Variants in CCNJL observed in about 807,000 individuals in gnomAD.
CCNJL encodes the protein cyclin J like.
A neutral mutation model predicts 33.4 loss-of-function variants in CCNJL; 33 were observed. The observed-to-expected ratio is 0.99, with a 90% CI of 0.75 to 1.32. CCNJL has a LOEUF of 1.32. Ranked by LOEUF, CCNJL falls within the 40% of genes most tolerant of loss-of-function variation. The pLI is 0.00. For synonymous variants in CCNJL, 227 were observed against 220.9 expected (o/e 1.03, Z -0.24); for missense variants, 512 against 499.7 (o/e 1.02, Z -0.23).
chr5:160,298,806 G>A (rs953360178), intron 2 of CCNJL, among the ~76,000 whole-genome samples: 1 of 152,096 alleles, frequency 6.6e-6, no homozygotes, highest in Non-Finnish European at 1.5e-5. Flanking sequence ...ATGAATTCAA[G>A]TTAAATGACA....
chr5:160,266,311 C>T lies in CCNJL; in HGVS notation c.281-6540G>A, dbSNP rs115345071. Among the ~76,000 whole-genome samples the T allele has an allele frequency of 2.5e-3, 381 of 152,384 alleles. 2 individuals carry two copies. The highest frequency in any genetic ancestry group is 8.7e-3 in the African/African-American group (363 of 41,600). ...CCAGGGGTGGAAGCCCACGCAGGGC[C>T]AGGCTCAATAGAGACCTTTCTGATG... On this transcript the variant is annotated intron_variant, in intron 3 of 5. Coordinates refer to ENST00000257536, the MANE Select transcript of CCNJL (RefSeq NM_001308173.3).
chr5:160,255,745 C>T, intron 4 of CCNJL, 37 bp from the exon 5 acceptor site: 1 of 1,601,632 alleles, frequency 6.2e-7, no homozygotes, highest in South Asian at 1.1e-5. Flanking sequence ...GCATCCAAAT[C>T]CTCCCCTTGG....
At chr5:160,302,436 T>C (rs1212921873) in intron 2 of CCNJL, among the ~76,000 whole-genome samples, 1 of 152,254 alleles carries the variant, frequency 6.6e-6, no homozygotes, top group Non-Finnish European at 1.5e-5. Context: ...TATATCATTA[T>C]TGCTACAATT....
Position 160,251,287 on chromosome 5 carries a change from A to G in CCNJL, c.*2091T>C, listed in dbSNP as rs1760794480. 1 of 152,224 alleles carries G rather than the reference A, an allele frequency of 6.6e-6. No homozygotes were observed. The highest frequency in any genetic ancestry group is 2.4e-5 in the African/African-American group (1 of 41,452). The allele number at this position is 152,224 out of a possible 1,614,324, so 9.4% of individuals were successfully genotyped here. A position where few individuals can be genotyped will look rare whatever the true frequency, so the allele number is the denominator to read the frequency against. On this transcript the variant is annotated 3_prime_UTR_variant, in exon 6 of 6. Transcript: ENST00000257536. Reference sequence around the variant, plus strand: ...GCCTGCCCTACAGATTTTGAACTCTACTGCAACATCAGCTCTTACCTGAAT... The same window carrying G: ...GCCTGCCCTACAGATTTTGAACTCTGCTGCAACATCAGCTCTTACCTGAAT...
At chr5:160,324,527 C>T (rs1763511240) in intron 1 of CCNJL, among the ~76,000 whole-genome samples, 1 of 152,088 alleles carries the variant, frequency 6.6e-6, no homozygotes, top group Non-Finnish European at 1.5e-5. Context: ...GAGCTGAAAT[C>T]GTGCCATTGT....
intron 5 of CCNJL, chr5:160,254,914 A>G (rs1000983115): frequency 2.0e-5 from 3 of 152,292 alleles, no homozygotes; most frequent in Admixed American, 2.0e-4. Context: ...CTTATAATGG[A>G]AGTCCTTCAA....
chr5:160,278,822 T>G (rs746434162), intron 3 of CCNJL, among the ~76,000 whole-genome samples: 1 of 152,212 alleles, frequency 6.6e-6, no homozygotes, highest in Non-Finnish European at 1.5e-5. Context: ...ATTTCTCCTG[T>G]GCTGCTTGAA....
chr5:160,298,308 G>T (rs558931381), intron 2 of CCNJL, among the ~76,000 whole-genome samples: 1 of 152,002 alleles, frequency 6.6e-6, no homozygotes, highest in Admixed American at 6.6e-5. Flanking sequence ...TGCAGTGAGC[G>T]AGGTTGCGCC....
intron 3 of CCNJL, among the ~76,000 whole-genome samples, chr5:160,274,624 C>T (rs1449200767): frequency 6.6e-6 from 1 of 152,226 alleles, no homozygotes; most frequent in Non-Finnish European, 1.5e-5. Flanking sequence ...CCACCTCCTG[C>T]CAGACACTTC....
At chr5:160,313,803 C>T (rs115440884), upstream of CCNJL, among the ~76,000 whole-genome samples, 1,617 of 152,272 alleles carry the variant, frequency 0.011, 14 homozygotes, top group Non-Finnish European at 0.017. Context: ...GAGGAGGGGG[C>T]ACTTAACATG....
At chr5:160,277,098 T>C (rs1220580655) in intron 3 of CCNJL, among the ~76,000 whole-genome samples, 1 of 152,164 alleles carries the variant, frequency 6.6e-6, no homozygotes, top group Non-Finnish European at 1.5e-5. Flanking sequence ...TGGTTGTATT[T>C]TTCTTTACAA....
In CCNJL at chr5:160,273,027, G is replaced by A. The variant is rs996535517; in HGVS notation, c.280+7498C>T. On this transcript the variant is annotated intron_variant, in intron 3 of 5. Transcript: ENST00000257536. Reference sequence around the variant, plus strand: ...AGAGTGAAGTAAATCCACAAGCGCTGATGGAAAAAGAGGTTCCGTAACATA... The same window carrying A: ...AGAGTGAAGTAAATCCACAAGCGCTAATGGAAAAAGAGGTTCCGTAACATA... Among the ~76,000 whole-genome samples, 26 of 152,308 alleles carry A rather than the reference G, an allele frequency of 1.7e-4. 1 individual carries two copies. The South Asian group carries it at 1.9e-3, about 11-fold the overall frequency.
chr5:160,320,841 CTTTCTTTCCTTCTTTCT>C (rs1763438177), intron 1 of CCNJL, among the ~76,000 whole-genome samples: 2 of 99,792 alleles, frequency 2.0e-5, no homozygotes, highest in Non-Finnish European at 4.5e-5. Flanking sequence ...TTCTTTCTTT[CTTTCTTTCCTTCTTTCT>C]TTCTTTCTTT....
rs536534461 is a variant in CCNJL, at chr5:160,250,684, G to A, written c.*2694C>T. ...CATCAATTCTACATATACATATTTT[G>A]ACATGTAACGCTTCTGAAATCAGAA... On this transcript the variant is annotated 3_prime_UTR_variant, in exon 6 of 6. Coordinates refer to ENST00000257536, the MANE Select transcript of CCNJL (RefSeq NM_001308173.3). 1.2e-4 allele frequency: 18 copies of A among 152,266 alleles called. No individual in the cohort carries two copies. Among genetic ancestry groups the A allele is most frequent in the African/African-American group, 4.1e-4 (17 of 41,566 alleles). The allele number at this position is 152,266 out of a possible 1,614,324, so 9.4% of individuals were successfully genotyped here.
intron 3 of CCNJL, among the ~76,000 whole-genome samples, chr5:160,267,295 C>G (rs945441688): frequency 3.3e-5 from 5 of 151,994 alleles, no homozygotes; most frequent in Admixed American, 2.0e-4. Flanking sequence ...TGGCAACGAC[C>G]CTGGGAGGTT....
At chr5:160,337,003 C>CTTTTTTTT (rs35461944) in intron 1 of CCNJL, among the ~76,000 whole-genome samples, 7 of 95,062 alleles carry the variant, frequency 7.4e-5, no homozygotes, top group Non-Finnish European at 1.0e-4. Flanking sequence ...CTTTTTCTTT[C>CTTTTTTTT]TTTTTTTTTT....
intron 1 of CCNJL, among the ~76,000 whole-genome samples, chr5:160,338,547 T>C (rs1403596553): frequency 1.3e-5 from 2 of 152,204 alleles, no homozygotes; most frequent in African/African-American, 4.8e-5. Context: ...AGAACTTTTA[T>C]TCACAGAATT....
At chr5:160,266,711 C>T (rs1761608192) in intron 3 of CCNJL, among the ~76,000 whole-genome samples, 1 of 152,166 alleles carries the variant, frequency 6.6e-6, no homozygotes, top group African/African-American at 2.4e-5. Flanking sequence ...GTATTCTTTG[C>T]ACTCCAGACC....
In CCNJL at chr5:160,255,569, C is replaced by A; in HGVS notation, c.723G>T (p.Thr241=). The change falls in exon 5 of 6, where the codon ACG becomes ACT. Residue 241 remains threonine, a synonymous_variant. Coordinates refer to ENST00000257536, the MANE Select transcript of CCNJL (RefSeq NM_001308173.3). ...ISSYSLEHLS[T]CIEILLVVYD... is the part of the protein sequence containing the mutation. ...CTTACACCAGCAGGATTTCAATACA[C>A]GTGCTGAGGTGCTCCAGGGAATAGC... The A allele has an allele frequency of 1.9e-6, 3 of 1,614,086 alleles. No homozygotes were observed. The highest frequency in any genetic ancestry group is 2.5e-6 in the Non-Finnish European group (3 of 1,179,962).
Sources: gnomAD v4.1 joint callset for allele counts (sites outside exome capture counted in the v4.1 genomes callset) on GRCh38, gnomAD v4.1.1 for gene constraint, MANE v1.5 for transcripts, NCBI Gene and HGNC (gene_info 2026-07-23, HGNC 2026-07-21) for gene names.